The following TRIM33 variants were observed in gnomAD, a reference collection of about 807,000 sequenced individuals.
The protein encoded by TRIM33 is tripartite motif containing 33, also known as E3 ubiquitin-protein ligase TRIM33.
TRIM33 carries 20 observed loss-of-function variants against 125.4 expected under a neutral mutation model. That is an observed-to-expected ratio of 0.16 (90% CI 0.11 to 0.23). The LOEUF (loss-of-function observed/expected upper bound fraction) is 0.23, where lower values mean the gene tolerates loss of function less well. Among genes scored for constraint, TRIM33 ranks in the 10% least tolerant of loss-of-function variants. The pLI is 1.00. For missense variants in TRIM33, 920 were observed against 1,411.4 expected, an observed-to-expected ratio of 0.65 and a Z score of 5.58; for synonymous variants, 564 against 513.9, an observed-to-expected ratio of 1.10 and a Z score of -1.32.
chr1:114,461,298 ATTATATT>A lies in TRIM33; in HGVS notation c.923+1799_923+1805del, dbSNP rs71090778. ...ATTTATTATTATTATATATTTATAT[ATTATATT>A]TTATATTTTATATATATATATTTTA... On this transcript the variant is annotated intron_variant, in intron 4 of 19. Transcript: ENST00000358465. 1.7e-4 allele frequency among the ~76,000 whole-genome samples: 25 copies of A among 143,302 alleles called. 1 individual carries two copies. The South Asian group carries it at 4.3e-3, about 24-fold the overall frequency. 94.0% of individuals were successfully genotyped at this position (143,302 alleles called of 152,430 possible).
At chr1:114,472,061 G>C (rs1426197239) in intron 1 of TRIM33, among the ~76,000 whole-genome samples, 1 of 152,120 alleles carries the variant, frequency 6.6e-6, no homozygotes, top group Non-Finnish European at 1.5e-5. Flanking sequence ...GACCATGCTG[G>C]AAATTTAAGT....
In TRIM33 at chr1:114,395,558, C is replaced by T. The variant is rs1557836420; in HGVS notation, c.*2090G>A. On this transcript the variant is annotated 3_prime_UTR_variant, in exon 20 of 20. Transcript: ENST00000358465. Reference sequence around the variant, plus strand: ...GAAGTTATACTGCTGCTATTCCTCACTTTCCAAAAATGTGCCCTTAGATAT... The same window carrying T: ...GAAGTTATACTGCTGCTATTCCTCATTTTCCAAAAATGTGCCCTTAGATAT... 5.0e-6 allele frequency: 1 copy of T among 201,202 alleles called. No individual in the cohort carries two copies. The allele number at this position is 201,202 out of a possible 1,614,324, so 12.5% of individuals were successfully genotyped here. A position where few individuals can be genotyped will look rare whatever the true frequency, so the allele number is the denominator to read the frequency against.
At chr1:114,479,628 C>T (rs945144384) in intron 1 of TRIM33, among the ~76,000 whole-genome samples, 10 of 152,154 alleles carry the variant, frequency 6.6e-5, no homozygotes, top group Non-Finnish European at 1.0e-4. Context: ...GGAAGTCTGT[C>T]AGGATGACAG....
intron 1 of TRIM33, among the ~76,000 whole-genome samples, chr1:114,482,974 G>A (rs1033684052): frequency 6.6e-6 from 1 of 152,156 alleles, no homozygotes; most frequent in Non-Finnish European, 1.5e-5. Flanking sequence ...ATAGAACTAT[G>A]AACCTCTTAT....
chr1:114,498,636 A>C (rs1309681212), intron 1 of TRIM33, among the ~76,000 whole-genome samples: 1 of 152,196 alleles, frequency 6.6e-6, no homozygotes, highest in Non-Finnish European at 1.5e-5. Context: ...CATCTCAAAA[A>C]AAAAAGAAAT....
At position 114,397,608 on chromosome 1, in the gene TRIM33, T is replaced by TCA; in HGVS notation, c.*39_*40insTG. The TCA allele has an allele frequency of 1.4e-6, 1 of 711,408 alleles. No homozygotes were observed. Among genetic ancestry groups the TCA allele is most frequent in the East Asian group, 4.0e-5 (1 of 24,948 alleles). 44.1% of individuals were successfully genotyped at this position (711,408 alleles called of 1,614,324 possible). Reference sequence around the variant, plus strand: ...TTTTGTGTTTTTTTTTTTTTTTTCGTTTTTTTTTTTTTAAACAATTGATTT... The same window carrying TCA: ...TTTTGTGTTTTTTTTTTTTTTTTCGTCATTTTTTTTTTTTAAACAATTGATTT... On this transcript the variant is annotated 3_prime_UTR_variant, in exon 20 of 20. Coordinates refer to ENST00000358465, the MANE Select transcript of TRIM33 (RefSeq NM_015906.4).
At chr1:114,463,767 CT>C (rs397977770) in intron 2 of TRIM33, among the ~76,000 whole-genome samples, 333 of 126,026 alleles carry the variant, frequency 2.6e-3, no homozygotes, top group Middle Eastern at 4.2e-3. Flanking sequence ...GCAGATTTGA[CT>C]TTTTTTTTTT....
rs1408092662 is a variant in TRIM33, at chr1:114,430,697, T to TC, written c.1155+100dup. ...ACCTTATTTTACGTTTTCCTTTATTTCCATACCCCCCAATCCATCTAAAAT... is the reference window on the plus strand; with the variant it reads ...ACCTTATTTTACGTTTTCCTTTATTTCCCATACCCCCCAATCCATCTAAAAT... On this transcript the variant is annotated intron_variant, in intron 6 of 19. Transcript: ENST00000358465. 189 of 728,904 alleles carry TC rather than the reference T, an allele frequency of 2.6e-4. 1 individual carries two copies. Among genetic ancestry groups the TC allele is most frequent in the Middle Eastern group, 9.6e-4 (4 of 4,182 alleles). The allele number at this position is 728,904 out of a possible 1,614,324, so 45.2% of individuals were successfully genotyped here.
intron 11 of TRIM33, among the ~76,000 whole-genome samples, chr1:114,413,910 C>G (rs866316447): frequency 1.3e-4 from 20 of 152,004 alleles, no homozygotes; most frequent in Middle Eastern, 3.4e-3. Context: ...GCCCGTAGTC[C>G]CAGTTACTGG....
intron 4 of TRIM33, among the ~76,000 whole-genome samples, chr1:114,439,803 G>A (rs1648543154): frequency 6.6e-6 from 1 of 151,964 alleles, no homozygotes; most frequent in African/African-American, 2.4e-5. Flanking sequence ...AACCAGAAGA[G>A]AAAAAAGATA....
rs1250222443 is a variant in TRIM33, at chr1:114,511,195, G to A, written c.-119C>T. On this transcript the variant is annotated 5_prime_UTR_variant, in exon 1 of 20. Transcript: ENST00000358465. The stretch of plus-strand genomic sequence containing the variant: ...GAGCGGCAGCCGAGAGCTAGCGAGA[G>A]AGCGAACCAACGAGAGCGCGCGCGC... 2.1e-6 allele frequency: 2 copies of A among 970,316 alleles called. No individual in the cohort carries two copies. Among genetic ancestry groups the A allele is most frequent in the Non-Finnish European group, 2.5e-6 (2 of 803,646 alleles). The allele number at this position is 970,316 out of a possible 1,614,324, so 60.1% of individuals were successfully genotyped here.
chr1:114,405,356 A>G, intron 15 of TRIM33, 54 bp downstream of exon 15: 1 of 1,382,260 alleles, frequency 7.2e-7, no homozygotes, highest in Non-Finnish European at 1.0e-6. Flanking sequence ...TTCTTCTGTT[A>G]TTTATTTTTA....
At chr1:114,422,261 TA>T (rs1178865339) in intron 10 of TRIM33, among the ~76,000 whole-genome samples, 3 of 152,092 alleles carry the variant, frequency 2.0e-5, no homozygotes, top group African/African-American at 7.2e-5. Context: ...ATTTAAAAAC[TA>T]AAAAGGCTTA....
chr1:114,453,886 G>T (rs187862679), intron 4 of TRIM33, among the ~76,000 whole-genome samples: 2 of 152,186 alleles, frequency 1.3e-5, no homozygotes, highest in African/African-American at 4.8e-5. Flanking sequence ...TGTTTATGAT[G>T]TCCATGGCTC....
In TRIM33 at chr1:114,490,101, A is replaced by G. The variant is rs547556957; in HGVS notation, c.526+20450T>C. Among the ~76,000 whole-genome samples, 267 of 141,054 alleles carry G rather than the reference A, an allele frequency of 1.9e-3. 7 individuals are homozygous for G. The highest frequency in any genetic ancestry group is 6.3e-3 in the African/African-American group (241 of 38,194). 92.5% of individuals were successfully genotyped at this position (141,054 alleles called of 152,430 possible). A position where few individuals can be genotyped will look rare whatever the true frequency, so the allele number is the denominator to read the frequency against. Reference sequence around the variant, plus strand: ...CTCCGTCTCAAAAAAAAAAAAAAAAAAAAGAAAAGGAAAGGAAAGAAAAAA... The same window carrying G: ...CTCCGTCTCAAAAAAAAAAAAAAAAGAAAGAAAAGGAAAGGAAAGAAAAAA... On this transcript the variant is annotated intron_variant, in intron 1 of 19. Coordinates refer to ENST00000358465, the MANE Select transcript of TRIM33 (RefSeq NM_015906.4).
At position 114,398,904 on chromosome 1, in the gene TRIM33, A is replaced by AC. The variant is rs373694954; in HGVS notation, c.3120+552_3120+553insG. On this transcript the variant is annotated intron_variant, in intron 18 of 19. Transcript: ENST00000358465. ...GCTAACTCAAACTTACCCTCAAAAA[A>AC]AAAAAAAAAAACAAAACAAAACAAA... Among the ~76,000 whole-genome samples, 768 of 149,232 alleles carry AC rather than the reference A, an allele frequency of 5.1e-3. 14 individuals carry two copies. Among genetic ancestry groups the AC allele is most frequent in the Non-Finnish European group, 5.6e-3 (376 of 67,494 alleles).
chr1:114,397,589 G>GGTTTTTTTTTTTT lies in TRIM33; in HGVS notation c.*58_*59insAAAAAAAAAAAAC, dbSNP rs1651608861. 1.6e-6 allele frequency: 1 copy of GGTTTTTTTTTTTT among 612,120 alleles called. No individual in the cohort carries two copies. Among genetic ancestry groups the GGTTTTTTTTTTTT allele is most frequent in the African/African-American group, 2.8e-5 (1 of 35,850 alleles). The allele number at this position is 612,120 out of a possible 1,614,324, so 37.9% of individuals were successfully genotyped here. A position where few individuals can be genotyped will look rare whatever the true frequency, so the allele number is the denominator to read the frequency against. On this transcript the variant is annotated 3_prime_UTR_variant, in exon 20 of 20. Coordinates refer to ENST00000358465, the MANE Select transcript of TRIM33 (RefSeq NM_015906.4). ...CTTAAAAGTTTTCTGGGTTTTTTGT[G>GGTTTTTTTTTTTT]TTTTTTTTTTTTTTTTCGTTTTTTT...
chr1:114,502,245 C>T lies in TRIM33; in HGVS notation c.526+8306G>A, dbSNP rs190364974. Among the ~76,000 whole-genome samples the T allele has an allele frequency of 4.5e-4, 68 of 152,300 alleles. 1 individual carries two copies. The East Asian group carries it at 0.012, about 26-fold the overall frequency. ...AATCTGCCACCTACTATCTTATGAT[C>T]TGACATTCTTCCTACTGGCCCAAAG... On this transcript the variant is annotated intron_variant, in intron 1 of 19. Coordinates refer to ENST00000358465, the MANE Select transcript of TRIM33 (RefSeq NM_015906.4).
chr1:114,423,775 A>G (rs1350718550), intron 10 of TRIM33, among the ~76,000 whole-genome samples: 1 of 152,126 alleles, frequency 6.6e-6, no homozygotes, highest in African/African-American at 2.4e-5. Flanking sequence ...GTTCTAGGAC[A>G]GTGTTTCTCC....
Sources: gnomAD v4.1 joint callset for allele counts (sites outside exome capture counted in the v4.1 genomes callset) on GRCh38, gnomAD v4.1.1 for gene constraint, MANE v1.5 for transcripts, NCBI Gene and HGNC (gene_info 2026-07-23, HGNC 2026-07-21) for gene names.